The following MAP3K20 variants were observed in gnomAD, a reference collection of about 807,000 sequenced individuals.
The protein encoded by MAP3K20 is HCCS-4.
A neutral mutation model predicts 85.7 loss-of-function variants in MAP3K20; 40 were observed. The observed-to-expected ratio is 0.47, with a 90% CI of 0.36 to 0.61. The LOEUF is 0.61. MAP3K20 is among the 20% of genes least tolerant of loss of function. The pLI is 0.00. For synonymous variants in MAP3K20, 325 were observed against 327.7 expected (o/e 0.99, Z 0.09); for missense variants, 817 against 961.7 (o/e 0.85, Z 1.99).
At chr2:173,227,727 A>T (rs922155853) in intron 11 of MAP3K20, among the ~76,000 whole-genome samples, 1 of 152,228 alleles carries the variant, frequency 6.6e-6, no homozygotes, top group Admixed American at 6.5e-5. Flanking sequence ...AATTTTGTTT[A>T]GTACAACATT....
intron 2 of MAP3K20, among the ~76,000 whole-genome samples, chr2:173,098,302 G>A (rs1437729626): frequency 1.3e-5 from 2 of 152,122 alleles, no homozygotes; most frequent in African/African-American, 2.4e-5. Flanking sequence ...TTTTAATTTG[G>A]TACAAGTTGA....
intron 11 of MAP3K20, among the ~76,000 whole-genome samples, chr2:173,227,527 A>ATT (rs1054083446): frequency 1.3e-5 from 2 of 152,292 alleles, no homozygotes; most frequent in African/African-American, 4.8e-5. Flanking sequence ...CTTTGCTAGC[A>ATT]TTGTGCAAAG....
At chr2:173,234,210 AGG>A (rs1684593424) in intron 14 of MAP3K20, among the ~76,000 whole-genome samples, 1 of 152,178 alleles carries the variant, frequency 6.6e-6, no homozygotes, top group African/African-American at 2.4e-5. Flanking sequence ...GTTCGGAGGA[AGG>A]GTGGTGAGCT....
chr2:173,238,901 C>T (rs779808019), intron 15 of MAP3K20, among the ~76,000 whole-genome samples: 45 of 152,312 alleles, frequency 3.0e-4, no homozygotes, highest in Admixed American at 1.2e-3. Flanking sequence ...TCAGCAAATA[C>T]TTGCAATTCA....
rs539409115 is a variant in MAP3K20, at chr2:173,094,155, T to A, written c.159+2965T>A. Among the ~76,000 whole-genome samples, 14 of 149,696 alleles carry A rather than the reference T, an allele frequency of 9.4e-5. No individual in the cohort carries two copies. In the East Asian group the frequency reaches 2.1e-3, roughly 23 times the overall value. ...AAAGTATAATAAAAAAAAATTTTTT[T>A]AAACCTAGAGAACAATTAAAAGAAT... On this transcript the variant is annotated intron_variant, in intron 2 of 19. Transcript: ENST00000375213.
intron 4 of MAP3K20, among the ~76,000 whole-genome samples, chr2:173,186,763 G>A (rs1291075162): frequency 6.6e-6 from 1 of 151,850 alleles, no homozygotes; most frequent in Admixed American, 6.6e-5. Context: ...TATTCTAAAG[G>A]GGTAGACAAT....
chr2:173,226,942 G>A (rs1253437028), intron 11 of MAP3K20: 2 of 984,900 alleles, frequency 2.0e-6, no homozygotes, highest in African/African-American at 3.5e-5. Context: ...CTTGTATAAT[G>A]TTTGTATGGA....
rs147135676 is a variant in MAP3K20 at position 173,235,034 on chromosome 2, A to C, written c.1203+2575A>C. ...TAAGAGGGCTGTTCTCAGGCTCAAG[A>C]AGGAAAGCACAATGAAGTATTGATT... On this transcript the variant is annotated intron_variant, in intron 14 of 19. Transcript: ENST00000375213. 8.7e-3 allele frequency among the ~76,000 whole-genome samples: 1,320 copies of C among 152,350 alleles called. 18 individuals are homozygous for C. Among genetic ancestry groups the C allele is most frequent in the African/African-American group, 0.03 (1,244 of 41,580 alleles).
chr2:173,195,463 T>C (rs1574096881), intron 7 of MAP3K20, among the ~76,000 whole-genome samples: 1 of 152,194 alleles, frequency 6.6e-6, no homozygotes, highest in East Asian at 1.9e-4. Context: ...ACAGTTTAAA[T>C]GTGAGGACGT....
At chr2:173,242,873 A>C (rs766388180) in intron 16 of MAP3K20, among the ~76,000 whole-genome samples, 9 of 151,562 alleles carry the variant, frequency 5.9e-5, no homozygotes, top group Non-Finnish European at 1.3e-4. Context: ...CACCCGGCTA[A>C]TTTTTGTATT....
At chr2:173,179,564 T>C (rs1419365664) in intron 3 of MAP3K20, among the ~76,000 whole-genome samples, 3 of 152,142 alleles carry the variant, frequency 2.0e-5, no homozygotes, top group Non-Finnish European at 4.4e-5. Context: ...AGTTCTACTC[T>C]GACATCTATT....
chr2:173,120,187 C>CAG (rs1688241323), intron 2 of MAP3K20, among the ~76,000 whole-genome samples: 1 of 152,124 alleles, frequency 6.6e-6, no homozygotes, highest in South Asian at 2.1e-4. Flanking sequence ...CTTCCTTCTC[C>CAG]ACGTGTCATT....
chr2:173,185,363 G>A (rs1165382051), intron 4 of MAP3K20, among the ~76,000 whole-genome samples: 1 of 152,068 alleles, frequency 6.6e-6, no homozygotes, highest in Non-Finnish European at 1.5e-5. Flanking sequence ...TGAGAAGAGT[G>A]AGGCAGAGAA....
chr2:173,229,846 G>T lies in MAP3K20; in HGVS notation c.1032+113G>T, dbSNP rs1866636. Reference sequence around the variant, plus strand: ...TAGGAAAGTCTAACTAGGAGAGGTTGACAAATTCTTTTCTCACTCTGTCTC... The same window carrying T: ...TAGGAAAGTCTAACTAGGAGAGGTTTACAAATTCTTTTCTCACTCTGTCTC... On this transcript the variant is annotated intron_variant, in intron 12 of 19. Coordinates refer to ENST00000375213, the MANE Select transcript of MAP3K20 (RefSeq NM_016653.3). 4.4e-3 allele frequency: 5,300 copies of T among 1,205,296 alleles called. 158 individuals carry two copies. The African/African-American group carries it at 0.07, about 16-fold the overall frequency. The allele number at this position is 1,205,296 out of a possible 1,614,324, so 74.7% of individuals were successfully genotyped here. A position where few individuals can be genotyped will look rare whatever the true frequency, so the allele number is the denominator to read the frequency against.
In MAP3K20 at chr2:173,229,723, A is replaced by G. The variant is rs905244862; in HGVS notation, c.1022A>G (p.Glu341Gly). The change falls in exon 12 of 20, where the codon GAA (glutamate) becomes GGA (glycine). Residue 341 changes from glutamate (E) to glycine (G), a missense_variant. This residue lies in a region of MAP3K20 where 158 missense variants were observed against 162.0 expected (regional missense o/e 0.98). Transcript: ENST00000375213. The stretch of plus-strand genomic sequence containing the variant: ...TCCTTTGAGATTGGTGCATGGACGG[A>G]AGACGATGTGGTAAGCTCTTTGTAT... ...LPSFEIGAWT[E>G]DDVYCWVQQL... 4 of 1,614,064 alleles carry G rather than the reference A, an allele frequency of 2.5e-6. No individual in the cohort carries two copies. The highest frequency in any genetic ancestry group is 3.4e-6 in the Non-Finnish European group (4 of 1,180,008).
At chr2:173,137,199 T>G (rs797002649) in intron 2 of MAP3K20, among the ~76,000 whole-genome samples, 11 of 152,332 alleles carry the variant, frequency 7.2e-5, no homozygotes, top group African/African-American at 2.6e-4. Flanking sequence ...TAAAAATGGT[T>G]AAATGTCACA....
upstream of MAP3K20, chr2:173,075,763 C>G (rs1686828343): frequency 1.0e-6 from 1 of 985,280 alleles, no homozygotes; most frequent in Non-Finnish European, 1.2e-6. Flanking sequence ...TCCCCACGCC[C>G]CGCTCGCCCG....
intron 2 of MAP3K20, among the ~76,000 whole-genome samples, chr2:173,156,887 T>C (rs964416851): frequency 6.6e-6 from 1 of 152,166 alleles, no homozygotes; most frequent in Non-Finnish European, 1.5e-5. Flanking sequence ...ATTAGGCCAG[T>C]GTTTCTTTGA....
chr2:173,261,183 G>A, intron 18 of MAP3K20, 46 bp downstream of exon 18: 1 of 1,576,220 alleles, frequency 6.3e-7, no homozygotes, highest in Non-Finnish European at 8.7e-7. Flanking sequence ...ATCAGTTAAT[G>A]AATATAAATT....
Sources: gnomAD v4.1 joint callset for allele counts (sites outside exome capture counted in the v4.1 genomes callset) on GRCh38, gnomAD v4.1.1 for gene constraint, gnomAD v4.1.1 regional missense constraint, MANE v1.5 for transcripts, NCBI Gene and HGNC (gene_info 2026-07-23, HGNC 2026-07-21) for gene names.